The following C8orf89 variants were observed in gnomAD, a reference collection of about 807,000 sequenced individuals.
The protein encoded by C8orf89 is chromosome 8 open reading frame 89.
Under a neutral mutation model 15.8 loss-of-function variants are expected in C8orf89, and 14 were observed. The observed-to-expected ratio is 0.89, with a 90% CI of 0.59 to 1.39. The LOEUF (loss-of-function observed/expected upper bound fraction) is 1.39. Ranked by LOEUF, C8orf89 falls within the 40% of genes most tolerant of loss-of-function variation. The pLI, the probability that C8orf89 is intolerant of heterozygous loss-of-function variation, is 0.00. For missense variants in C8orf89, 181 were observed against 184.5 expected (o/e 0.98, Z 0.11); for synonymous variants, 55 against 62.2 (o/e 0.88, Z 0.54).
chr8:73,257,793 G>T (rs796427709), intron 1 of C8orf89, among the ~76,000 whole-genome samples: 78 of 152,290 alleles, frequency 5.1e-4, no homozygotes, highest in African/African-American at 1.8e-3. Flanking sequence ...TAAACATAGA[G>T]AATTTTTTTG....
chr8:73,270,005 AT>A, the C8orf89 span, among the ~76,000 whole-genome samples: 1 of 152,248 alleles, frequency 6.6e-6, no homozygotes, highest in Non-Finnish European at 1.5e-5. Context: ...CAACACTAGT[AT>A]GTTAATGGGG....
chr8:73,243,183 G>A (rs1473817354), intron 3 of C8orf89, among the ~76,000 whole-genome samples: 1 of 152,120 alleles, frequency 6.6e-6, no homozygotes, highest in Non-Finnish European at 1.5e-5. Flanking sequence ...GAGATGCGGG[G>A]GAAGTGGGGA....
the C8orf89 span, among the ~76,000 whole-genome samples, chr8:73,265,473 A>C: frequency 6.6e-6 from 1 of 152,196 alleles, no homozygotes; most frequent in African/African-American, 2.4e-5. Flanking sequence ...CAAAGAAGGG[A>C]GTTGTTAATT....
At position 73,242,613 on chromosome 8, in the gene C8orf89, C is replaced by T. The variant is rs547060865; in HGVS notation, c.338-1008G>A. On this transcript the variant is annotated intron_variant, in intron 3 of 3. Coordinates refer to ENST00000624510, the MANE Select transcript of C8orf89 (RefSeq NM_001243237.3). Reference sequence around the variant, plus strand: ...AAAACTACAATGAGATATCATTTCACCCCAATTAAAATGGCTTTTATCTAA... The same window carrying T: ...AAAACTACAATGAGATATCATTTCATCCCAATTAAAATGGCTTTTATCTAA... Among the ~76,000 whole-genome samples the T allele has an allele frequency of 1.5e-4, 23 of 152,260 alleles. No homozygotes were observed. In the South Asian group the frequency reaches 3.3e-3, roughly 22 times the overall value.
intron 3 of C8orf89, among the ~76,000 whole-genome samples, chr8:73,248,646 G>C (rs1813180951): frequency 6.6e-6 from 1 of 152,070 alleles, no homozygotes; most frequent in African/African-American, 2.4e-5. Context: ...TCCTTGCAGA[G>C]ATCTTTCACC....
upstream of C8orf89, among the ~76,000 whole-genome samples, chr8:73,264,031 C>CA (rs1241896035): frequency 6.6e-6 from 1 of 152,106 alleles, no homozygotes; most frequent in African/African-American, 2.4e-5. Flanking sequence ...ACATGGAACT[C>CA]ACGGTCAAAT....
chr8:73,254,758 A>C (rs1813331901), intron 2 of C8orf89, among the ~76,000 whole-genome samples: 1 of 152,198 alleles, frequency 6.6e-6, no homozygotes, highest in Admixed American at 6.5e-5. Context: ...TGGTACTGGT[A>C]CCAAAACAGA....
chr8:73,258,227 T>C (rs944986711), intron 1 of C8orf89, among the ~76,000 whole-genome samples: 1 of 151,990 alleles, frequency 6.6e-6, no homozygotes, highest in African/African-American at 2.4e-5. Context: ...CTGGCCAACA[T>C]GGTGAAATCC....
upstream of C8orf89, among the ~76,000 whole-genome samples, chr8:73,259,654 G>T (rs1813485964): frequency 6.6e-6 from 1 of 151,660 alleles, no homozygotes; most frequent in African/African-American, 2.4e-5. Flanking sequence ...TAAAAGTAAA[G>T]TCCAATAGCA....
chr8:73,281,968 T>C, the C8orf89 span, among the ~76,000 whole-genome samples: 2 of 152,248 alleles, frequency 1.3e-5, no homozygotes, highest in Admixed American at 1.3e-4. Context: ...TGGGTCCTTC[T>C]ACCAAGTGAA....
At chr8:73,260,412 G>A (rs566567711), upstream of C8orf89, among the ~76,000 whole-genome samples, 7 of 152,206 alleles carry the variant, frequency 4.6e-5, no homozygotes, top group Admixed American at 1.3e-4. Context: ...GGCAGGGATA[G>A]CATTAGGAGA....
the C8orf89 span, among the ~76,000 whole-genome samples, chr8:73,281,544 AT>A: frequency 2.0e-5 from 3 of 152,238 alleles, no homozygotes; most frequent in Non-Finnish European, 4.4e-5. Context: ...GGGAGGAGTA[AT>A]TAGTTCATTA....
intron 2 of C8orf89, among the ~76,000 whole-genome samples, chr8:73,254,167 C>T (rs1251896801): frequency 3.3e-5 from 5 of 152,060 alleles, no homozygotes; most frequent in African/African-American, 4.8e-5. Flanking sequence ...TGTCAAAGGC[C>T]GTTTCTGCAT....
intron 2 of C8orf89, among the ~76,000 whole-genome samples, chr8:73,251,185 A>G (rs1365692398): frequency 6.6e-6 from 1 of 152,166 alleles, no homozygotes; most frequent in Non-Finnish European, 1.5e-5. Context: ...ATATTACTAG[A>G]GTGTGCTTTG....
upstream of C8orf89, among the ~76,000 whole-genome samples, chr8:73,263,077 A>G (rs1438037606): frequency 1.3e-5 from 2 of 152,124 alleles, no homozygotes; most frequent in Non-Finnish European, 2.9e-5. Flanking sequence ...AGGGCAACCA[A>G]TTAAAAAATC....
At chr8:73,246,125 T>C (rs550468443) in intron 3 of C8orf89, among the ~76,000 whole-genome samples, 1 of 152,200 alleles carries the variant, frequency 6.6e-6, no homozygotes, top group African/African-American at 2.4e-5. Context: ...TAATAAATCA[T>C]TTCTAAATTG....
the C8orf89 span, among the ~76,000 whole-genome samples, chr8:73,276,804 C>CTTTT: frequency 6.2e-4 from 44 of 71,334 alleles, 1 homozygote; most frequent in African/African-American, 1.7e-3. Context: ...GCACAGCAGT[C>CTTTT]ATTTTTTTTT....
At chr8:73,260,234 G>A (rs184543936), upstream of C8orf89, among the ~76,000 whole-genome samples, 276 of 152,134 alleles carry the variant, frequency 1.8e-3, 1 homozygote, top group African/African-American at 6.3e-3. Flanking sequence ...AAAGAAATAC[G>A]GATGAGAAAA....
chr8:73,265,944 A>G, the C8orf89 span, among the ~76,000 whole-genome samples: 1 of 152,132 alleles, frequency 6.6e-6, no homozygotes, highest in East Asian at 1.9e-4. Flanking sequence ...TGTTCGTTTT[A>G]TCTCTTACAT....
Sources: gnomAD v4.1 joint callset for allele counts (sites outside exome capture counted in the v4.1 genomes callset) on GRCh38, gnomAD v4.1.1 for gene constraint, MANE v1.5 for transcripts, NCBI Gene and HGNC (gene_info 2026-07-23, HGNC 2026-07-21) for gene names.